Variants in PIEZO2 observed in about 807,000 individuals in gnomAD.
PIEZO2 encodes the protein piezo type mechanosensitive ion channel component 2, also known as piezo-type mechanosensitive ion channel component 2.
A neutral mutation model predicts 337.3 loss-of-function variants in PIEZO2; 172 were observed. The ratio of observed to expected loss-of-function variants is 0.51; its 90% CI spans 0.45 to 0.58. The LOEUF (loss-of-function observed/expected upper bound fraction) is 0.58, where lower values mean the gene tolerates loss of function less well. PIEZO2 is among the 20% of genes least tolerant of loss of function. The probability of loss-of-function intolerance (pLI) is 0.00; values close to 1 mark genes in which losing one functional copy is unlikely to be tolerated. For synonymous variants in PIEZO2, 1,251 were observed against 1,228.5 expected (o/e 1.02, Z -0.38); for missense variants, 3,028 against 3,391.3 (o/e 0.89, Z 2.66).
At chr18:10,694,790 A>G (rs2035010903) in intron 47 of PIEZO2, among the ~76,000 whole-genome samples, 1 of 152,184 alleles carries the variant, frequency 6.6e-6, no homozygotes, top group South Asian at 2.1e-4. Flanking sequence ...AGCTATGATC[A>G]TGCCACTGCA....
chr18:11,121,544 C>T (rs763734615), intron 1 of PIEZO2, among the ~76,000 whole-genome samples: 11 of 152,146 alleles, frequency 7.2e-5, no homozygotes, highest in Non-Finnish European at 1.3e-4. Flanking sequence ...CCAGCCTGGG[C>T]AACAGAGCAA....
chr18:10,865,182 T>C (rs1476253476), intron 5 of PIEZO2, among the ~76,000 whole-genome samples: 1 of 152,200 alleles, frequency 6.6e-6, no homozygotes, highest in Admixed American at 6.5e-5. Flanking sequence ...AGGCAGGATG[T>C]GGCCAAACCA....
At position 10,862,243 on chromosome 18, in the gene PIEZO2, G is replaced by A. The variant is rs757633725; in HGVS notation, c.493-5032C>T. Among the ~76,000 whole-genome samples, 1 of 151,788 alleles carries A rather than the reference G, an allele frequency of 6.6e-6. No individual in the cohort carries two copies. The highest frequency in any genetic ancestry group is 1.5e-5 in the Non-Finnish European group (1 of 67,946). On this transcript the variant is annotated intron_variant, in intron 5 of 55. Coordinates refer to ENST00000674853, the MANE Select transcript of PIEZO2 (RefSeq NM_001378183.1). This position sits in a 1 kb window ranked among gnomAD's most constrained non-coding sequence, Gnocchi z 4.4. ...AGTTAAAAATAAAATAAAAATAATA[G>A]AATACTGGAAAACATAGATAAAAGT...
At position 11,143,933 on chromosome 18, in the gene PIEZO2, C is replaced by T. The variant is rs569999899; in HGVS notation, c.64+4592G>A. The stretch of plus-strand genomic sequence containing the variant: ...GCATGTAATTCTTGAGTGTTAAAAG[C>T]GAAACAAAACCATAATAGAATATGT... On this transcript the variant is annotated intron_variant, in intron 1 of 55. Transcript: ENST00000674853. The surrounding 1 kb of genome is among the most constrained non-coding windows in gnomAD (Gnocchi z 4.9). Among the ~76,000 whole-genome samples the T allele has an allele frequency of 4.6e-5, 7 of 152,132 alleles. No homozygotes were observed. The highest frequency in any genetic ancestry group is 2.1e-4 in the South Asian group (1 of 4,822).
At chr18:10,947,259 C>A (rs533107298) in intron 3 of PIEZO2, among the ~76,000 whole-genome samples, 2 of 151,858 alleles carry the variant, frequency 1.3e-5, no homozygotes, top group South Asian at 4.2e-4. Flanking sequence ...GAAAGCAGCC[C>A]GAGAGAAATG....
chr18:10,905,175 A>T (rs2043144186), intron 4 of PIEZO2, among the ~76,000 whole-genome samples: 2 of 152,244 alleles, frequency 1.3e-5, no homozygotes, highest in Admixed American at 1.3e-4. Context: ...GTCTGAAAGA[A>T]TTAAAGAATT....
intron 3 of PIEZO2, among the ~76,000 whole-genome samples, chr18:10,924,528 G>C (rs1241580250): frequency 1.3e-5 from 2 of 152,106 alleles, no homozygotes; most frequent in African/African-American, 4.8e-5. Flanking sequence ...AGTTCAAAGA[G>C]GTCCTATGTT....
chr18:10,834,933 A>G lies in PIEZO2; in HGVS notation c.917+20420T>C, dbSNP rs2040960150. 6.6e-6 allele frequency among the ~76,000 whole-genome samples: 1 copy of G among 152,174 alleles called. No homozygotes were observed. Among genetic ancestry groups the G allele is most frequent in the Admixed American group, 6.5e-5 (1 of 15,278 alleles). On this transcript the variant is annotated intron_variant, in intron 7 of 55. Transcript: ENST00000674853. The surrounding 1 kb of genome is among the most constrained non-coding windows in gnomAD (Gnocchi z 4.5). ...CTCCAAAATTCTTAGGTTGAAGCCA[A>G]ACTCCCCATGTGAAGGTATTAAGAA...
chr18:10,759,378 G>C lies in PIEZO2; in HGVS notation c.3757+104C>G. ...ATAAGACAAGCCTTTACATGATTAC[G>C]AAGTCTAGTGGAAGACAAAAGGCAC... On this transcript the variant is annotated intron_variant, in intron 26 of 55. Coordinates refer to ENST00000674853, the MANE Select transcript of PIEZO2 (RefSeq NM_001378183.1). The surrounding 1 kb of genome is among the most constrained non-coding windows in gnomAD (Gnocchi z 5.5). The C allele has an allele frequency of 2.1e-6, 2 of 936,466 alleles. No homozygotes were observed. Among genetic ancestry groups the C allele is most frequent in the South Asian group, 1.5e-5 (1 of 65,212 alleles). 58.0% of individuals were successfully genotyped at this position (936,466 alleles called of 1,614,324 possible).
chr18:10,788,189 G>A (rs1289593267), intron 15 of PIEZO2, among the ~76,000 whole-genome samples: 1 of 152,118 alleles, frequency 6.6e-6, no homozygotes, highest in Admixed American at 6.5e-5. Context: ...ATCGCTTGAA[G>A]CCAGGAGTTT....
In PIEZO2 at chr18:11,033,622, T is replaced by C. The variant is rs2145773882; in HGVS notation, c.160+32505A>G. 6.6e-6 allele frequency among the ~76,000 whole-genome samples: 1 copy of C among 152,350 alleles called. No homozygotes were observed. Among genetic ancestry groups the C allele is most frequent in the South Asian group, 2.1e-4 (1 of 4,820 alleles). On this transcript the variant is annotated intron_variant, in intron 2 of 55. Coordinates refer to ENST00000674853, the MANE Select transcript of PIEZO2 (RefSeq NM_001378183.1). The surrounding 1 kb of genome is among the most constrained non-coding windows in gnomAD (Gnocchi z 4.2). ...AATACTGCATTTCACTGAAAAAAGC[T>C]AGTCTGAAAACATAAACCATATAAC...
At position 10,742,112 on chromosome 18, in the gene PIEZO2, G is replaced by A. The variant is rs113531908; in HGVS notation, c.4636+382C>T. On this transcript the variant is annotated intron_variant, in intron 32 of 55. Transcript: ENST00000674853. ...GGAGCTTGCAGTGAGCCGAGATCTC[G>A]CCACTGCACTCCAGCCTGGGGGACA... is the stretch of plus-strand genomic sequence containing the variant. Among the ~76,000 whole-genome samples the A allele has an allele frequency of 4.0e-5, 6 of 151,878 alleles. 1 individual carries two copies. Among genetic ancestry groups the A allele is most frequent in the Middle Eastern group, 3.2e-3 (1 of 316 alleles).
At chr18:11,115,266 T>C (rs1272491126) in intron 1 of PIEZO2, among the ~76,000 whole-genome samples, 2 of 152,218 alleles carry the variant, frequency 1.3e-5, no homozygotes, top group Non-Finnish European at 2.9e-5. Flanking sequence ...TAATTGAAAA[T>C]TGAGTTTTAT....
chr18:10,817,105 C>T (rs140394760), intron 7 of PIEZO2, among the ~76,000 whole-genome samples: 2 of 152,276 alleles, frequency 1.3e-5, no homozygotes, highest in East Asian at 3.9e-4. Context: ...GATTTATATA[C>T]ACATTAAAGT....
At chr18:10,961,555 A>T (rs573197857) in intron 3 of PIEZO2, among the ~76,000 whole-genome samples, 1 of 152,298 alleles carries the variant, frequency 6.6e-6, no homozygotes, top group African/African-American at 2.4e-5. Context: ...CCAGTAACTT[A>T]TGGAAAAATA....
intron 33 of PIEZO2, 109 bp downstream of exon 33, chr18:10,740,922 C>T (rs1239311474): frequency 1.7e-6 from 2 of 1,173,772 alleles, no homozygotes; most frequent in South Asian, 1.3e-5. Flanking sequence ...TATCAAGTCA[C>T]AAGGATCAAA....
chr18:10,886,501 C>CTATATATGTATGTATATATATATAT (rs1568165954), intron 4 of PIEZO2, among the ~76,000 whole-genome samples: 1 of 11,826 alleles, frequency 8.5e-5, no homozygotes, highest in African/African-American at 4.2e-4. Context: ...TATATATACG[C>CTATATATGTATGTATATATATATAT]ATATACACAT....
chr18:10,720,843 T>C (rs1307286701), intron 36 of PIEZO2, among the ~76,000 whole-genome samples: 2 of 152,184 alleles, frequency 1.3e-5, no homozygotes, highest in Non-Finnish European at 2.9e-5. Flanking sequence ...TCTTTACTAC[T>C]GCTGCTCCAC....
chr18:10,785,964 C>G (rs538616806), intron 16 of PIEZO2, among the ~76,000 whole-genome samples: 5 of 152,130 alleles, frequency 3.3e-5, no homozygotes, highest in South Asian at 4.1e-4. Flanking sequence ...TCCACTCACC[C>G]CCTGTCTTCA....
Sources: allele counts gnomAD v4.1 joint callset (sites outside exome capture counted in the v4.1 genomes callset), GRCh38; gene constraint gnomAD v4.1.1; non-coding constraint Gnocchi (gnomAD v3.1); transcripts MANE v1.5; gene names NCBI Gene and HGNC (gene_info 2026-07-23, HGNC 2026-07-21).